Variants in WDFY1 observed in about 807,000 individuals in gnomAD.
WDFY1 encodes the protein WD repeat and FYVE domain containing 1.
A neutral mutation model predicts 56.4 loss-of-function variants in WDFY1; 32 were observed. That is an observed-to-expected ratio of 0.57 (90% CI 0.43 to 0.76). The LOEUF is 0.76. WDFY1 is among the 30% of genes least tolerant of loss of function. The pLI is 0.00. For missense variants in WDFY1, 480 were observed against 545.7 expected, an observed-to-expected ratio of 0.88 and a Z score of 1.20; for synonymous variants, 192 against 197.3, an observed-to-expected ratio of 0.97 and a Z score of 0.23.
intron 2 of WDFY1, among the ~76,000 whole-genome samples, chr2:223,916,852 T>C (rs982690152): frequency 1.3e-5 from 2 of 151,720 alleles, no homozygotes; most frequent in South Asian, 2.1e-4. Context: ...TTCGCTCTTG[T>C]TGCCCAGGCT....
intron 9 of WDFY1, among the ~76,000 whole-genome samples, chr2:223,882,426 A>G (rs1360676602): frequency 6.6e-6 from 1 of 152,066 alleles, no homozygotes; most frequent in East Asian, 1.9e-4. Flanking sequence ...CTTTTGCTTT[A>G]AAGCACATGG....
At chr2:223,929,576 G>A (rs956270814) in intron 1 of WDFY1, among the ~76,000 whole-genome samples, 79 of 152,124 alleles carry the variant, frequency 5.2e-4, no homozygotes, top group African/African-American at 1.7e-3. Flanking sequence ...ATCAAGATTC[G>A]TGAAAAGCAA....
intron 1 of WDFY1, among the ~76,000 whole-genome samples, chr2:223,934,177 T>C (rs113178172): frequency 0.031 from 4,648 of 149,286 alleles, 260 homozygotes; most frequent in African/African-American, 0.11. Context: ...CAACCTCCGC[T>C]TCCCAAGTTC....
At chr2:223,927,362 A>G (rs1037867005) in intron 1 of WDFY1, among the ~76,000 whole-genome samples, 3 of 152,202 alleles carry the variant, frequency 2.0e-5, no homozygotes, top group African/African-American at 7.2e-5. Flanking sequence ...TCTTCACTAG[A>G]TCTTCTGGAT....
chr2:223,897,390 A>ATATATTTTTTT (rs1461451983), intron 6 of WDFY1, among the ~76,000 whole-genome samples: 1 of 125,990 alleles, frequency 7.9e-6, no homozygotes, highest in African/African-American at 3.0e-5. Flanking sequence ...ATATATATAT[A>ATATATTTTTTT]TTTTTTAAGA....
At chr2:223,943,184 TAAAAAAA>T (rs11311599) in intron 1 of WDFY1, among the ~76,000 whole-genome samples, 1 of 137,182 alleles carries the variant, frequency 7.3e-6, no homozygotes, top group Non-Finnish European at 1.6e-5. Flanking sequence ...GCCTCCATCT[TAAAAAAA>T]AAAAAAAAAA....
At chr2:223,895,947 C>CAGGA (rs1230184607) in intron 6 of WDFY1, among the ~76,000 whole-genome samples, 4 of 151,794 alleles carry the variant, frequency 2.6e-5, no homozygotes, top group African/African-American at 9.7e-5. Flanking sequence ...CACTTGAAGC[C>CAGGA]AGGAGTTCAA....
At chr2:223,888,679 C>A (rs1277948734) in intron 8 of WDFY1, among the ~76,000 whole-genome samples, 2 of 145,896 alleles carry the variant, frequency 1.4e-5, no homozygotes, top group Non-Finnish European at 3.0e-5. Flanking sequence ...CTCTGCCTCC[C>A]GGGTTCAAGC....
chr2:223,911,582 A>C (rs1444988966), intron 3 of WDFY1, among the ~76,000 whole-genome samples: 12 of 134,342 alleles, frequency 8.9e-5, no homozygotes, highest in Non-Finnish European at 1.5e-4. Context: ...ACACACACAC[A>C]CACACACACA....
intron 3 of WDFY1, among the ~76,000 whole-genome samples, chr2:223,907,212 A>C (rs1574768895): frequency 6.7e-6 from 1 of 150,350 alleles, no homozygotes; most frequent in Non-Finnish European, 1.5e-5. Context: ...CACAGCCTCA[A>C]GTGATCCACC....
chr2:223,944,660 G>A (rs552872388), intron 1 of WDFY1, among the ~76,000 whole-genome samples: 73 of 150,988 alleles, frequency 4.8e-4, no homozygotes, highest in African/African-American at 1.7e-3. Flanking sequence ...CGGGCTAGAG[G>A]GGCGCGGTGG....
At chr2:223,897,371 TATATATA>T (rs1233624443) in intron 6 of WDFY1, among the ~76,000 whole-genome samples, 16,010 of 65,258 alleles carry the variant, frequency 0.25, 1,968 homozygotes, top group East Asian at 0.44. Flanking sequence ...TATATATATA[TATATATA>T]TATATATATA....
chr2:223,894,159 G>C (rs919616931), intron 8 of WDFY1, 75 bp downstream of exon 8: 2 of 1,446,078 alleles, frequency 1.4e-6, no homozygotes, highest in East Asian at 4.6e-5. Context: ...TACAGCTTGC[G>C]GGGTGAAAAG....
intron 1 of WDFY1, among the ~76,000 whole-genome samples, chr2:223,942,431 G>C (rs1689321919): frequency 6.6e-6 from 1 of 151,264 alleles, no homozygotes; most frequent in African/African-American, 2.4e-5. Flanking sequence ...TGTTAGCCAG[G>C]ATGGTCTCGA....
At chr2:223,926,662 G>A (rs944084369) in intron 1 of WDFY1, among the ~76,000 whole-genome samples, 4 of 151,734 alleles carry the variant, frequency 2.6e-5, no homozygotes, top group Non-Finnish European at 5.9e-5. Context: ...GTGTGTGTGT[G>A]TGTGTGTGTG....
chr2:223,945,196 G>A lies in WDFY1; in HGVS notation c.89C>T (p.Ala30Val), dbSNP rs1212339012. 6.3e-7 allele frequency: 1 copy of A among 1,599,016 alleles called. No individual in the cohort carries two copies. Among genetic ancestry groups the A allele is most frequent in the East Asian group, 2.3e-5 (1 of 43,192 alleles). ...GCCGTCCTCCTTGGGGATGAGCAGC[G>A]CGGCCGTGACGGCGTCCTGGTGCCC... is the stretch of plus-strand genomic sequence containing the variant. ...IEGHQDAVTA[A>V]LLIPKEDGVI... The change falls in exon 1 of 12, where the codon GCG becomes GTG. Residue 30 changes from alanine (A) to valine (V), a missense_variant. Coordinates refer to ENST00000233055, the MANE Select transcript of WDFY1 (RefSeq NM_020830.5).
chr2:223,928,609 A>G lies in WDFY1; in HGVS notation c.138-10599T>C, dbSNP rs549990479. Among the ~76,000 whole-genome samples the G allele has an allele frequency of 2.0e-5, 3 of 152,338 alleles. No homozygotes were observed. The South Asian group carries it at 6.2e-4, about 32-fold the overall frequency. ...CAAGAGTGGCTACCTAAAATTCTAC[A>G]TGTTAAAATGTTCCACTCCCTAAGA... On this transcript the variant is annotated intron_variant, in intron 1 of 11. Transcript: ENST00000233055.
intron 6 of WDFY1, among the ~76,000 whole-genome samples, chr2:223,897,319 ATAGTT>A (rs577855714): frequency 6.6e-4 from 98 of 148,228 alleles, no homozygotes; most frequent in African/African-American, 2.3e-3. Flanking sequence ...AGCATCTGAC[ATAGTT>A]TAGACATGTG....
intron 1 of WDFY1, among the ~76,000 whole-genome samples, chr2:223,942,311 C>T (rs1440778885): frequency 3.3e-5 from 5 of 151,898 alleles, no homozygotes; most frequent in African/African-American, 1.2e-4. Flanking sequence ...GCTCTGCCTC[C>T]CAGGTTCACG....
Sources: gnomAD v4.1 joint callset for allele counts (sites outside exome capture counted in the v4.1 genomes callset) on GRCh38, gnomAD v4.1.1 for gene constraint, MANE v1.5 for transcripts, NCBI Gene and HGNC (gene_info 2026-07-23, HGNC 2026-07-21) for gene names.